The following KLHL21 variants were observed in gnomAD, a reference collection of about 807,000 sequenced individuals.
The protein encoded by KLHL21 is kelch like family member 21, also known as kelch-like protein 21.
Under a neutral mutation model 44.1 loss-of-function variants are expected in KLHL21, and 42 were observed. The observed-to-expected ratio is 0.95, with a 90% confidence interval of 0.74 to 1.23. The LOEUF is 1.23. Among genes scored for constraint, KLHL21 ranks in the 50% most tolerant of loss-of-function variants. The pLI is 0.00. For synonymous variants in KLHL21, 524 were observed against 411.6 expected (o/e 1.27, Z -3.31); for missense variants, 918 against 889.1 (o/e 1.03, Z -0.41).
intron 3 of KLHL21, chr1:6,594,210 T>C (rs990764054): frequency 5.2e-6 from 2 of 384,302 alleles, no homozygotes; most frequent in African/African-American, 4.4e-5. Flanking sequence ...TTTGGAAATG[T>C]TAACAGACAC....
intron 1 of KLHL21, 44 bp downstream of exon 1, chr1:6,601,753 G>A (rs1473978065): frequency 6.7e-6 from 10 of 1,491,590 alleles, no homozygotes; most frequent in Admixed American, 6.5e-5. Flanking sequence ...CCGTACCGGC[G>A]AGGTTCAACC....
Position 6,593,128 on chromosome 1 carries a change from T to G in KLHL21, c.*237A>C. On this transcript the variant is annotated 3_prime_UTR_variant, in exon 4 of 4. Transcript: ENST00000377658. ...GGGTGACCTCCAAGACCCAGAAACA[T>G]GTGCTGGCAGGAAAGTGGCTCTTCC... 1 of 518,816 alleles carries G rather than the reference T, an allele frequency of 1.9e-6. No individual in the cohort carries two copies. The highest frequency in any genetic ancestry group is 3.3e-5 in the South Asian group (1 of 30,516). 32.1% of individuals were successfully genotyped at this position (518,816 alleles called of 1,614,324 possible).
intron 2 of KLHL21, 58 bp downstream of exon 2, chr1:6,598,989 A>T (rs184464420): frequency 6.7e-7 from 1 of 1,489,860 alleles, no homozygotes; most frequent in East Asian, 2.4e-5. Context: ...TGTGTGCTTA[A>T]GACAGGGCCT....
chr1:6,591,122 A>T lies in KLHL21; in HGVS notation c.*2243T>A, dbSNP rs1194708815. On this transcript the variant is annotated 3_prime_UTR_variant, in exon 4 of 4. Transcript: ENST00000377658. ...ACAGCAGAGGGAAACTGGGGAGAGGAGGGGGCCTGACCCTGGATCCCCCAG... is the reference window on the plus strand; with the variant it reads ...ACAGCAGAGGGAAACTGGGGAGAGGTGGGGGCCTGACCCTGGATCCCCCAG... The T allele has an allele frequency of 7.5e-6, 3 of 397,760 alleles. No homozygotes were observed. Among genetic ancestry groups the T allele is most frequent in the African/African-American group, 2.1e-5 (1 of 48,624 alleles). 24.6% of individuals were successfully genotyped at this position (397,760 alleles called of 1,614,324 possible). A position where few individuals can be genotyped will look rare whatever the true frequency, so the allele number is the denominator to read the frequency against.
chr1:6,602,292 G>A lies in KLHL21; in HGVS notation c.526C>T (p.Leu176=). ...GELGAEQLER[L]PLARLLRYLR... ...TAGCGCAGCAGGCGCGCCAGTGGCA[G>A]CCGCTCCAGCTGCTCGGCGCCCAGC... Residue 176 remains leucine (L), a synonymous_variant, in exon 1 of 4, where the codon CTG becomes TTG. Coordinates refer to ENST00000377658, the MANE Select transcript of KLHL21 (RefSeq NM_014851.4). 1.9e-6 allele frequency: 3 copies of A among 1,555,980 alleles called. No homozygotes were observed. The highest frequency in any genetic ancestry group is 2.6e-6 in the Non-Finnish European group (3 of 1,158,316).
intron 2 of KLHL21, among the ~76,000 whole-genome samples, chr1:6,598,207 A>C (rs1459564129): frequency 1.3e-5 from 2 of 152,136 alleles, no homozygotes; most frequent in Non-Finnish European, 2.9e-5. Flanking sequence ...AGGAAATGTG[A>C]GACGATTGTT....
At chr1:6,596,802 C>T (rs766259624) in intron 2 of KLHL21, among the ~76,000 whole-genome samples, 3 of 152,190 alleles carry the variant, frequency 2.0e-5, no homozygotes, top group Admixed American at 2.0e-4. Context: ...CTACTGCACC[C>T]CAGCCAAGGA....
chr1:6,599,755 A>G (rs1640988706), intron 1 of KLHL21: 1 of 383,066 alleles, frequency 2.6e-6, no homozygotes. Context: ...CATACACCTC[A>G]GCAGACCAGA....
chr1:6,598,011 T>C (rs1323885604), intron 2 of KLHL21, among the ~76,000 whole-genome samples: 2 of 152,184 alleles, frequency 1.3e-5, no homozygotes, highest in Admixed American at 6.5e-5. Flanking sequence ...CTGTCTCTGC[T>C]CCGTGCTGCT....
intron 1 of KLHL21, among the ~76,000 whole-genome samples, chr1:6,601,094 C>T (rs1180310691): frequency 1.3e-5 from 2 of 152,128 alleles, no homozygotes; most frequent in Non-Finnish European, 2.9e-5. Context: ...CCCTTCCTCA[C>T]CCCGACAAAG....
intron 1 of KLHL21, among the ~76,000 whole-genome samples, chr1:6,600,242 C>T (rs994474959): frequency 4.6e-5 from 7 of 152,066 alleles, no homozygotes; most frequent in African/African-American, 1.4e-4. Context: ...GACGGGGTTT[C>T]GCCATGTTGT....
Position 6,602,182 on chromosome 1 carries a change from G to A in KLHL21, c.636C>T (p.Arg212=), listed in dbSNP as rs1324755568. 6.3e-6 allele frequency: 9 copies of A among 1,438,392 alleles called. No homozygotes were observed. 89.1% of individuals were successfully genotyped at this position (1,438,392 alleles called of 1,614,324 possible). A position where few individuals can be genotyped will look rare whatever the true frequency, so the allele number is the denominator to read the frequency against. Residue 212 remains arginine, a synonymous_variant, in exon 1 of 4, where the codon CGC becomes CGT. Transcript: ENST00000377658. Reference sequence around the variant, plus strand: ...GCAGCTGCGGCCAGTGCGCGGCGCGGCGCGGCGGGTCAGCGCGGACCCAGC... The same window carrying A: ...GCAGCTGCGGCCAGTGCGCGGCGCGACGCGGCGGGTCAGCGCGGACCCAGC... ...ALRWVRADPP[R]RAAHWPQLLE...
rs910129903 is a variant in KLHL21, at chr1:6,590,896, C to T, written c.*2469G>A. 4.5e-5 allele frequency: 18 copies of T among 398,496 alleles called. No individual in the cohort carries two copies. Among genetic ancestry groups the T allele is most frequent in the African/African-American group, 6.2e-5 (3 of 48,632 alleles). 24.7% of individuals were successfully genotyped at this position (398,496 alleles called of 1,614,324 possible). A position where few individuals can be genotyped will look rare whatever the true frequency, so the allele number is the denominator to read the frequency against. On this transcript the variant is annotated 3_prime_UTR_variant, in exon 4 of 4. Transcript: ENST00000377658. ...GGGAGGGCGTCCTTTATTACATACG[C>T]GTCTCTGAAGTCATATAAATATAGA...
At chr1:6,600,391 T>G (rs1640999212) in intron 1 of KLHL21, among the ~76,000 whole-genome samples, 1 of 152,224 alleles carries the variant, frequency 6.6e-6, no homozygotes, top group African/African-American at 2.4e-5. Context: ...TGGTACTGGC[T>G]GTAATCGTAA....
intron 2 of KLHL21, among the ~76,000 whole-genome samples, chr1:6,595,913 C>G (rs1414324236): frequency 2.6e-5 from 4 of 152,182 alleles, no homozygotes; most frequent in Admixed American, 2.6e-4. Flanking sequence ...AAAGAAGCCT[C>G]CTTGCTCCAC....
intron 2 of KLHL21, among the ~76,000 whole-genome samples, chr1:6,598,761 T>C (rs551124527): frequency 6.6e-6 from 1 of 152,152 alleles, no homozygotes; most frequent in Admixed American, 6.6e-5. Context: ...TGGGCGCCTG[T>C]AGTCCCAGCT....
In KLHL21 at chr1:6,599,195, T is replaced by TGGCATAGAGCCGGC; in HGVS notation, c.1265_1278dup (p.Ile427AlafsTer16). 6.2e-7 allele frequency: 1 copy of TGGCATAGAGCCGGC among 1,614,160 alleles called. No individual in the cohort carries two copies. The highest frequency in any genetic ancestry group is 8.5e-7 in the Non-Finnish European group (1 of 1,180,038). ...GTCTCCTTGCCAGCCAGGGAGCCGA[T>TGGCATAGAGCCGGC]GGCATAGAGCCGGCCACGGCACGCA... On this transcript the variant is annotated frameshift_variant, in exon 2 of 4. Transcript: ENST00000377658. LOFTEE classifies it high-confidence loss of function.
chr1:6,600,661 C>T (rs548291315), intron 1 of KLHL21, among the ~76,000 whole-genome samples: 1 of 152,392 alleles, frequency 6.6e-6, no homozygotes, highest in South Asian at 2.1e-4. Context: ...AAGGGATTAA[C>T]TGCTCTGCTG....
intron 3 of KLHL21, 65 bp downstream of exon 3, chr1:6,595,420 T>C (rs1314590651): frequency 2.1e-6 from 3 of 1,453,734 alleles, no homozygotes; most frequent in Non-Finnish European, 1.9e-6. Context: ...CTCATCACGA[T>C]GACACTTGGG....
Sources: gnomAD v4.1 joint callset for allele counts (sites outside exome capture counted in the v4.1 genomes callset) on GRCh38, gnomAD v4.1.1 for gene constraint, MANE v1.5 for transcripts, NCBI Gene and HGNC (gene_info 2026-07-23, HGNC 2026-07-21) for gene names.